Variants in GTF3C1 observed in about 807,000 individuals in gnomAD.
The protein encoded by GTF3C1 is general transcription factor 3C polypeptide 1.
A neutral mutation model predicts 226.7 loss-of-function variants in GTF3C1; 57 were observed. The ratio of observed to expected loss-of-function variants is 0.25; its 90% confidence interval spans 0.20 to 0.31. GTF3C1 has a LOEUF of 0.31. Ranked by LOEUF, GTF3C1 falls within the 10% of genes least tolerant of loss-of-function variation. The probability of loss-of-function intolerance (pLI) is 1.00; values close to 1 mark genes in which losing one functional copy is unlikely to be tolerated. For missense variants in GTF3C1, 2,217 were observed against 2,776.1 expected (o/e 0.80, Z 4.53); for synonymous variants, 1,090 against 1,084.8 (o/e 1.00, Z -0.09).
intron 2 of GTF3C1, among the ~76,000 whole-genome samples, chr16:27,541,873 C>T (rs1316302488): frequency 2.0e-5 from 3 of 152,162 alleles, no homozygotes; most frequent in South Asian, 2.1e-4. Flanking sequence ...CACAAACTCA[C>T]GGTGTGTGGA....
intron 1 of GTF3C1, among the ~76,000 whole-genome samples, chr16:27,549,205 A>AT (rs1360959492): frequency 6.6e-6 from 1 of 152,084 alleles, no homozygotes; most frequent in Non-Finnish European, 1.5e-5. Context: ...TCCCTGATAA[A>AT]TGTCAGCTTT....
chr16:27,471,686 C>A lies in GTF3C1; in HGVS notation c.4526+62G>T. 7.5e-7 allele frequency: 1 copy of A among 1,339,792 alleles called. No homozygotes were observed. Among genetic ancestry groups the A allele is most frequent in the Non-Finnish European group, 1.1e-6 (1 of 939,524 alleles). 83.0% of individuals were successfully genotyped at this position (1,339,792 alleles called of 1,614,324 possible). ...TCATGGCCACAGTGCTTCCTTTGCTCCTCTTTACAGACAGGGCGTGGCTCC... is the reference window on the plus strand; with the variant it reads ...TCATGGCCACAGTGCTTCCTTTGCTACTCTTTACAGACAGGGCGTGGCTCC... On this transcript the variant is annotated intron_variant, in intron 30 of 36. Transcript: ENST00000356183. The surrounding 1 kb of genome is among the most constrained non-coding windows in gnomAD (Gnocchi z 5.0).
Position 27,464,654 on chromosome 16 carries a change from G to C in GTF3C1, c.5538C>G (p.Pro1846=), listed in dbSNP as rs780116256. The stretch of plus-strand genomic sequence containing the variant: ...GAGAAGGAGGTGCCTGCCCCTCGGG[G>C]GGGCTGTCCTCACTGGAAGACCCCT... ...PLEGSSSEDS[P]PEGQAPPSHS... Residue 1846 remains proline, a synonymous_variant, in exon 34 of 37, where the codon CCC becomes CCG. Coordinates refer to ENST00000356183, the MANE Select transcript of GTF3C1 (RefSeq NM_001520.4). The C allele has an allele frequency of 6.6e-7, 1 of 1,526,440 alleles. No individual in the cohort carries two copies. Among genetic ancestry groups the C allele is most frequent in the South Asian group, 1.3e-5 (1 of 77,850 alleles). 94.6% of individuals were successfully genotyped at this position (1,526,440 alleles called of 1,614,324 possible).
rs372614308 is a variant in GTF3C1, at chr16:27,488,659, G to A, written c.3430-24C>T. 4.3e-5 allele frequency: 68 copies of A among 1,570,566 alleles called. No individual in the cohort carries two copies. The African/African-American group carries it at 8.2e-4, about 19-fold the overall frequency. Reference sequence around the variant, plus strand: ...TCCTGTGAGACAAGCACAGCACTGGGATGAAGCATGAGCTTCCACAAATCC... The same window carrying A: ...TCCTGTGAGACAAGCACAGCACTGGAATGAAGCATGAGCTTCCACAAATCC... On this transcript the variant is annotated intron_variant, in intron 21 of 36. Coordinates refer to ENST00000356183, the MANE Select transcript of GTF3C1 (RefSeq NM_001520.4).
Position 27,485,955 on chromosome 16 carries a change from G to A in GTF3C1, c.3858+42C>T, listed in dbSNP as rs201559832. On this transcript the variant is annotated intron_variant, in intron 24 of 36. Transcript: ENST00000356183. ...GAAGGCTCAGACAGGAAGGAGCTCC[G>A]AGTGAGGGGCAGGCCCACCGCTGGG... The A allele has an allele frequency of 1.8e-4, 268 of 1,449,846 alleles. 1 individual carries two copies. In the East Asian group the frequency reaches 6.0e-3, roughly 33 times the overall value. The allele number at this position is 1,449,846 out of a possible 1,614,324, so 89.8% of individuals were successfully genotyped here. A position where few individuals can be genotyped will look rare whatever the true frequency, so the allele number is the denominator to read the frequency against.
intron 25 of GTF3C1, 77 bp downstream of exon 25, chr16:27,484,134 A>G: frequency 1.8e-6 from 2 of 1,087,886 alleles, no homozygotes; most frequent in Non-Finnish European, 2.8e-6. Context: ...TGCTCCAGCC[A>G]CACTTCCCAC....
chr16:27,489,315 A>C (rs2088195488), intron 20 of GTF3C1, 137 bp from the exon 21 acceptor site: 1 of 934,572 alleles, frequency 1.1e-6, no homozygotes, highest in African/African-American at 1.7e-5. Flanking sequence ...GTAGCAATGA[A>C]GAACTTGGGG....
At chr16:27,513,917 C>CCT (rs2088614544) in intron 6 of GTF3C1, among the ~76,000 whole-genome samples, 2 of 152,138 alleles carry the variant, frequency 1.3e-5, no homozygotes, top group Non-Finnish European at 2.9e-5. Context: ...CCCAACAGCA[C>CCT]AGAAGACTGA....
At chr16:27,522,995 C>T (rs2088773785) in intron 6 of GTF3C1, among the ~76,000 whole-genome samples, 1 of 152,048 alleles carries the variant, frequency 6.6e-6, no homozygotes. Context: ...GAGAGTCGAT[C>T]TCATTCACAG....
At chr16:27,544,253 G>A (rs2089131660) in intron 2 of GTF3C1, among the ~76,000 whole-genome samples, 2 of 151,946 alleles carry the variant, frequency 1.3e-5, no homozygotes, top group African/African-American at 4.8e-5. Flanking sequence ...TGGGTGTGGT[G>A]GTATGCGCCT....
chr16:27,499,677 G>T (rs911980217), intron 12 of GTF3C1, among the ~76,000 whole-genome samples: 9 of 152,132 alleles, frequency 5.9e-5, no homozygotes, highest in African/African-American at 1.9e-4. Flanking sequence ...CAGCTTTGTG[G>T]TTTTGTGAAG....
intron 6 of GTF3C1, among the ~76,000 whole-genome samples, chr16:27,516,388 GGCCCAGCGTGAGGCGGCT>G (rs796255248): frequency 8.5e-5 from 13 of 152,322 alleles, no homozygotes; most frequent in African/African-American, 3.1e-4. Context: ...GCTGAAACTG[GGCCCAGCGTGAGGCGGCT>G]GTGCTTCCAG....
At chr16:27,533,194 G>A in intron 5 of GTF3C1, 97 bp downstream of exon 5, 3 of 649,636 alleles carry the variant, frequency 4.6e-6, no homozygotes, top group African/African-American at 1.8e-5. Flanking sequence ...TCCAGAATAG[G>A]GCTTTGGGTT....
chr16:27,524,475 T>A (rs1003027548), intron 6 of GTF3C1, among the ~76,000 whole-genome samples: 1 of 152,214 alleles, frequency 6.6e-6, no homozygotes, highest in Non-Finnish European at 1.5e-5. Context: ...ACCCCCTAGA[T>A]AATTCAGATG....
At chr16:27,520,363 C>T (rs1372717471) in intron 6 of GTF3C1, among the ~76,000 whole-genome samples, 2 of 152,124 alleles carry the variant, frequency 1.3e-5, no homozygotes, top group Non-Finnish European at 2.9e-5. Flanking sequence ...GATCCACCTG[C>T]CTCGACCTCC....
intron 7 of GTF3C1, among the ~76,000 whole-genome samples, chr16:27,509,757 C>CA (rs770402001): frequency 0.033 from 1,886 of 57,772 alleles, 33 homozygotes; most frequent in South Asian, 0.047. Flanking sequence ...GACTCCGTCT[C>CA]AAAAAAAAAA....
intron 19 of GTF3C1, among the ~76,000 whole-genome samples, chr16:27,489,958 G>A (rs1487141415): frequency 4.6e-5 from 7 of 152,214 alleles, no homozygotes; most frequent in African/African-American, 1.7e-4. Flanking sequence ...AGTGCTGGTG[G>A]GTGACCTAAG....
chr16:27,515,710 T>C (rs1321530061), intron 6 of GTF3C1, among the ~76,000 whole-genome samples: 1 of 152,186 alleles, frequency 6.6e-6, no homozygotes, highest in African/African-American at 2.4e-5. Context: ...AATTACCAAG[T>C]ATGACTCTTT....
intron 6 of GTF3C1, among the ~76,000 whole-genome samples, chr16:27,513,936 G>C (rs1022155516): frequency 6.6e-6 from 1 of 152,142 alleles, no homozygotes; most frequent in African/African-American, 2.4e-5. Context: ...GAGGTCCGAG[G>C]AAAGTCAGGC....
Sources: allele counts gnomAD v4.1 joint callset (sites outside exome capture counted in the v4.1 genomes callset), GRCh38; gene constraint gnomAD v4.1.1; non-coding constraint Gnocchi (gnomAD v3.1); transcripts MANE v1.5; gene names NCBI Gene and HGNC (gene_info 2026-07-23, HGNC 2026-07-21).